The following MCHR2 variants were observed in gnomAD, a reference collection of about 807,000 sequenced individuals.
MCHR2 encodes melanin concentrating hormone receptor 2, also known as melanin-concentrating hormone receptor 2.
MCHR2 carries 15 observed loss-of-function variants against 24.8 expected under a neutral mutation model. The ratio of observed to expected loss-of-function variants is 0.60; its 90% confidence interval spans 0.40 to 0.93. The LOEUF (loss-of-function observed/expected upper bound fraction) is 0.93. Ranked by LOEUF, MCHR2 falls within the 40% of genes least tolerant of loss-of-function variation. The pLI is 0.00. For synonymous variants in MCHR2, 151 were observed against 147.6 expected, an observed-to-expected ratio of 1.02 and a Z score of -0.17; for missense variants, 386 against 408.7, an observed-to-expected ratio of 0.94 and a Z score of 0.48.
At chr6:99,936,702 A>G (rs1197384389) in intron 4 of MCHR2, among the ~76,000 whole-genome samples, 3 of 151,752 alleles carry the variant, frequency 2.0e-5, no homozygotes, top group African/African-American at 7.3e-5. Context: ...AAATTTTAGA[A>G]TTTTTTGTCC....
chr6:99,951,165 G>T (rs1481684527), intron 2 of MCHR2, among the ~76,000 whole-genome samples: 1 of 152,154 alleles, frequency 6.6e-6, no homozygotes, highest in East Asian at 1.9e-4. Flanking sequence ...GGATGGGATA[G>T]GGTGTAGAAG....
At chr6:99,975,025 C>A (rs1294018169) in intron 1 of MCHR2, among the ~76,000 whole-genome samples, 1 of 152,200 alleles carries the variant, frequency 6.6e-6, no homozygotes, top group African/African-American at 2.4e-5. Flanking sequence ...CGGTCAGGGA[C>A]CCACTTGAGG....
At chr6:99,989,626 C>G (rs1775830565) in intron 1 of MCHR2, among the ~76,000 whole-genome samples, 1 of 152,048 alleles carries the variant, frequency 6.6e-6, no homozygotes, top group Admixed American at 6.6e-5. Flanking sequence ...TTTCCTCTCT[C>G]TTTAGGGTCC....
chr6:99,942,074 T>A (rs1774781470), intron 4 of MCHR2, among the ~76,000 whole-genome samples: 1 of 152,216 alleles, frequency 6.6e-6, no homozygotes, highest in African/African-American at 2.4e-5. Context: ...TGTGTTCAAA[T>A]TTCAAATTGA....
At chr6:99,948,528 C>G (rs1229478405) in intron 2 of MCHR2, among the ~76,000 whole-genome samples, 1 of 152,082 alleles carries the variant, frequency 6.6e-6, no homozygotes, top group Non-Finnish European at 1.5e-5. Context: ...TAACTGTAAC[C>G]CTGGAAGACA....
intron 2 of MCHR2, among the ~76,000 whole-genome samples, chr6:99,955,383 G>A (rs1248788291): frequency 2.0e-5 from 3 of 152,116 alleles, no homozygotes; most frequent in African/African-American, 7.2e-5. Context: ...GTACTCGGGG[G>A]CAGATGTCTC....
chr6:99,985,181 CACAA>C (rs1195712831), intron 1 of MCHR2, among the ~76,000 whole-genome samples: 2 of 152,046 alleles, frequency 1.3e-5, no homozygotes, highest in African/African-American at 4.8e-5. Context: ...TTAGAGATGA[CACAA>C]ACAAATGGAA....
At position 99,921,184 on chromosome 6, in the gene MCHR2, A is replaced by G; in HGVS notation, c.779T>C (p.Phe260Ser). 1 of 1,614,180 alleles carries G rather than the reference A, an allele frequency of 6.2e-7. No homozygotes were observed. Among genetic ancestry groups the G allele is most frequent in the South Asian group, 1.1e-5 (1 of 91,084 alleles). Residue 260 changes from phenylalanine (F) to serine (S), a missense_variant, in exon 6 of 6, where the codon TTT becomes TCT. Transcript: ENST00000281806. Reference sequence around the variant, plus strand: ...ATGATAAGGGGCAGCACTCAGGATAAAGACTACCACCAGCACCAGCACCAT... The same window carrying G: ...ATGATAAGGGGCAGCACTCAGGATAGAGACTACCACCAGCACCAGCACCAT... ...TKMVLVLVVVFILSAAPYHVI... is the reference protein window; with the variant it reads ...TKMVLVLVVVSILSAAPYHVI...
At chr6:99,922,565 A>G (rs981865132) in intron 5 of MCHR2, among the ~76,000 whole-genome samples, 2 of 152,162 alleles carry the variant, frequency 1.3e-5, no homozygotes, top group African/African-American at 4.8e-5. Context: ...TGATTTTTGT[A>G]TATAATGAGA....
chr6:99,921,096 G>T lies in MCHR2; in HGVS notation c.867C>A (p.Tyr289Ter), dbSNP rs373924652. 2 of 1,614,048 alleles carry T rather than the reference G, an allele frequency of 1.2e-6. No individual in the cohort carries two copies. Among genetic ancestry groups the T allele is most frequent in the Non-Finnish European group, 1.7e-6 (2 of 1,180,026 alleles). ...QPTLAFYVGY[Y>*]LSICLSYASS... is the part of the protein sequence containing the mutation. ...TGGCATAGCTGAGACAGATGGAGAG[G>T]TAATAACCCACATAGAAGGCCAGTG... is the stretch of plus-strand genomic sequence containing the variant. The change falls in exon 6 of 6, where the codon TAC (tyrosine) becomes TAA (stop). Residue 289 changes from tyrosine (Y) to a stop codon, truncating the protein, a stop_gained. Transcript: ENST00000281806. LOFTEE classifies it low-confidence loss of function (END_TRUNC).
chr6:99,966,890 T>G (rs767338279), intron 1 of MCHR2, among the ~76,000 whole-genome samples: 8 of 152,138 alleles, frequency 5.3e-5, no homozygotes, highest in Non-Finnish European at 2.9e-5. Context: ...AATTTTATAA[T>G]GAAAGCCAAT....
intron 5 of MCHR2, among the ~76,000 whole-genome samples, chr6:99,922,041 G>T (rs1774244106): frequency 6.6e-6 from 1 of 151,066 alleles, no homozygotes; most frequent in African/African-American, 2.4e-5. Flanking sequence ...GGACACTTAG[G>T]TTGATTCTAA....
At chr6:99,958,725 T>C (rs1775118534) in intron 1 of MCHR2, among the ~76,000 whole-genome samples, 2 of 152,112 alleles carry the variant, frequency 1.3e-5, no homozygotes, top group Non-Finnish European at 2.9e-5. Context: ...TCAAAGCCAA[T>C]AGAAGAACCT....
chr6:99,929,935 G>A (rs1333146383), intron 5 of MCHR2, among the ~76,000 whole-genome samples: 12 of 150,492 alleles, frequency 8.0e-5, no homozygotes, highest in African/African-American at 2.7e-4. Context: ...TCCTAGCCTC[G>A]ACGGTCTTTA....
In MCHR2 at chr6:99,956,133, A is replaced by G. The variant is rs768415594; in HGVS notation, c.15T>C (p.His5=). 1.9e-6 allele frequency: 3 copies of G among 1,611,374 alleles called. No individual in the cohort carries two copies. The African/African-American group carries it at 4.0e-5, about 22-fold the overall frequency. ...CGGCAGAGGTGTTCCAACAAGATGC[A>G]TGAAATGGATTCATTGTTCGTGGAC... is the stretch of plus-strand genomic sequence containing the variant. MNPF[H]ASCWNTSAEL... is the part of the protein sequence containing the mutation. The change falls in exon 2 of 6, where the codon CAT becomes CAC. Residue 5 remains histidine (H), a synonymous_variant. Transcript: ENST00000281806.
At chr6:99,927,357 T>G (rs1350716656) in intron 5 of MCHR2, among the ~76,000 whole-genome samples, 1 of 152,204 alleles carries the variant, frequency 6.6e-6, no homozygotes, top group East Asian at 1.9e-4. Context: ...AAATAGTTTT[T>G]TCCAATTCTG....
chr6:99,945,605 G>C (rs1424716994), intron 3 of MCHR2, among the ~76,000 whole-genome samples: 1 of 152,104 alleles, frequency 6.6e-6, no homozygotes, highest in Admixed American at 6.6e-5. Flanking sequence ...TGATGGCACT[G>C]ACATTTAGTT....
At chr6:99,954,222 G>C (rs986737426) in intron 2 of MCHR2, among the ~76,000 whole-genome samples, 4 of 152,126 alleles carry the variant, frequency 2.6e-5, no homozygotes, top group African/African-American at 9.7e-5. Flanking sequence ...TAGCTCTGAT[G>C]CTGGACCAGT....
At chr6:99,986,386 C>A (rs72940333) in intron 1 of MCHR2, among the ~76,000 whole-genome samples, 2 of 152,122 alleles carry the variant, frequency 1.3e-5, no homozygotes, top group African/African-American at 2.4e-5. Context: ...TTATCTAATG[C>A]TGTTTACATT....
Sources: gnomAD v4.1 joint callset for allele counts (sites outside exome capture counted in the v4.1 genomes callset) on GRCh38, gnomAD v4.1.1 for gene constraint, MANE v1.5 for transcripts, NCBI Gene and HGNC (gene_info 2026-07-23, HGNC 2026-07-21) for gene names.